PTPRD: variants seen among roughly 807,000 people sequenced by gnomAD.
PTPRD encodes the protein protein tyrosine phosphatase receptor type D, also known as receptor-type tyrosine-protein phosphatase delta.
In PTPRD, 34 loss-of-function variants were observed where a neutral mutation model predicts 214.5. That is an observed-to-expected ratio of 0.16 (90% confidence interval 0.12 to 0.21). The LOEUF is 0.21. PTPRD is among the 10% of genes least tolerant of loss of function. The probability of loss-of-function intolerance (pLI) is 1.00; values close to 1 mark genes in which losing one functional copy is unlikely to be tolerated. For missense variants in PTPRD, 2,545 were observed against 2,398.7 expected, an observed-to-expected ratio of 1.06 and a Z score of -1.27; for synonymous variants, 1,128 against 845.7, an observed-to-expected ratio of 1.33 and a Z score of -5.79.
At chr9:9,793,730 G>T (rs1217455419) in intron 5 of PTPRD, among the ~76,000 whole-genome samples, 2 of 151,928 alleles carry the variant, frequency 1.3e-5, no homozygotes, top group East Asian at 3.9e-4. Context: ...ATGGTAAAAA[G>T]TATCTTATTT....
At chr9:10,449,948 C>G (rs1588442245) in intron 2 of PTPRD, among the ~76,000 whole-genome samples, 1 of 151,620 alleles carries the variant, frequency 6.6e-6, no homozygotes, top group South Asian at 2.1e-4. Context: ...TACCCCCAAC[C>G]CCGTGCTCTC....
intron 11 of PTPRD, among the ~76,000 whole-genome samples, chr9:9,013,096 T>C (rs1324502476): frequency 2.6e-5 from 4 of 152,146 alleles, no homozygotes; most frequent in African/African-American, 9.7e-5. Context: ...GCTTGTTTGT[T>C]TTTTAAGCAC....
chr9:9,822,069 A>C lies in PTPRD; in HGVS notation c.-367-55218T>G, dbSNP rs73398655. 2.1e-3 allele frequency among the ~76,000 whole-genome samples: 317 copies of C among 151,892 alleles called. 3 individuals are homozygous for C. The highest frequency in any genetic ancestry group is 7.4e-3 in the African/African-American group (305 of 41,474). ...AAAGGCATCATGTCCAAAAATCATT[A>C]TAACTGTAAATTTATCACATAAACT... On this transcript the variant is annotated intron_variant, in intron 5 of 45. Transcript: ENST00000381196.
intron 5 of PTPRD, among the ~76,000 whole-genome samples, chr9:9,788,550 T>TC (rs2098943436): frequency 3.6e-5 from 1 of 27,932 alleles, no homozygotes; most frequent in Non-Finnish European, 6.7e-5. Context: ...AAGCTCCGTC[T>TC]CAAAAAAAAA....
chr9:8,937,110 T>G (rs1197332571), intron 11 of PTPRD, among the ~76,000 whole-genome samples: 2 of 152,186 alleles, frequency 1.3e-5, no homozygotes, highest in Non-Finnish European at 2.9e-5. Context: ...CATAATGTAT[T>G]GACTACCTGA....
At chr9:9,289,167 T>A (rs1950389976) in intron 9 of PTPRD, among the ~76,000 whole-genome samples, 1 of 151,830 alleles carries the variant, frequency 6.6e-6, no homozygotes, top group Non-Finnish European at 1.5e-5. Context: ...AATTTTAATT[T>A]CTAAATGGTA....
chr9:9,856,064 C>T (rs924716743), intron 5 of PTPRD, among the ~76,000 whole-genome samples: 4 of 152,114 alleles, frequency 2.6e-5, no homozygotes, highest in Admixed American at 2.6e-4. Flanking sequence ...ATGAAAGTGG[C>T]CCTCAGTGGG....
intron 33 of PTPRD, among the ~76,000 whole-genome samples, chr9:8,460,048 A>G (rs1340319635): frequency 1.3e-5 from 2 of 152,154 alleles, no homozygotes. Flanking sequence ...ACACACTGAA[A>G]TCGAGCAATT....
At chr9:9,280,948 G>C (rs1209567772) in intron 9 of PTPRD, among the ~76,000 whole-genome samples, 2 of 151,170 alleles carry the variant, frequency 1.3e-5, no homozygotes, top group Non-Finnish European at 3.0e-5. Context: ...ACAGAAAAGA[G>C]AGCCAAGAAG....
chr9:9,855,928 A>C (rs1276499122), intron 5 of PTPRD, among the ~76,000 whole-genome samples: 1 of 152,150 alleles, frequency 6.6e-6, no homozygotes, highest in African/African-American at 2.4e-5. Flanking sequence ...CGGTGAGGGT[A>C]AAGGGGCCAG....
chr9:8,924,307 A>G (rs2098849113), intron 11 of PTPRD, among the ~76,000 whole-genome samples: 1 of 152,236 alleles, frequency 6.6e-6, no homozygotes, highest in Non-Finnish European at 1.5e-5. Flanking sequence ...TCAATCAGGT[A>G]TTTATTGAAT....
chr9:10,579,579 A>G (rs2070916074), intron 2 of PTPRD, among the ~76,000 whole-genome samples: 1 of 152,188 alleles, frequency 6.6e-6, no homozygotes, highest in African/African-American at 2.4e-5. Context: ...ATTAACATAT[A>G]AGCGCATGAG....
chr9:9,795,382 T>C (rs2098995360), intron 5 of PTPRD, among the ~76,000 whole-genome samples: 1 of 152,174 alleles, frequency 6.6e-6, no homozygotes, highest in Admixed American at 6.5e-5. Flanking sequence ...GTTATAGGGC[T>C]AGAGATCTGA....
At chr9:8,356,030 T>G (rs748490217) in intron 39 of PTPRD, among the ~76,000 whole-genome samples, 21 of 152,204 alleles carry the variant, frequency 1.4e-4, no homozygotes, top group Non-Finnish European at 2.4e-4. Context: ...TCATAAGGAT[T>G]TTTTGTCCTT....
intron 6 of PTPRD, among the ~76,000 whole-genome samples, chr9:9,766,467 T>C (rs1025888846): frequency 7.9e-5 from 12 of 152,342 alleles, no homozygotes; most frequent in African/African-American, 2.9e-4. Context: ...AATTTACATA[T>C]GTCCTATTTC....
intron 11 of PTPRD, among the ~76,000 whole-genome samples, chr9:8,823,111 G>A (rs748417657): frequency 9.9e-5 from 15 of 152,038 alleles, no homozygotes; most frequent in Non-Finnish European, 2.2e-4. Context: ...GCCTCTTCTT[G>A]AAGCCCTCTT....
intron 11 of PTPRD, among the ~76,000 whole-genome samples, chr9:8,839,599 A>G (rs2097518340): frequency 6.6e-6 from 1 of 152,218 alleles, no homozygotes; most frequent in Non-Finnish European, 1.5e-5. Flanking sequence ...TGCTGGGATT[A>G]CAGGAATGAG....
chr9:8,361,237 G>A (rs2078397575), intron 39 of PTPRD, among the ~76,000 whole-genome samples: 2 of 152,130 alleles, frequency 1.3e-5, no homozygotes, highest in African/African-American at 4.8e-5. Flanking sequence ...CAGATTAAAA[G>A]AAAAATTTTA....
intron 7 of PTPRD, among the ~76,000 whole-genome samples, chr9:9,673,792 A>G (rs2096876548): frequency 6.6e-6 from 1 of 151,696 alleles, no homozygotes; most frequent in African/African-American, 2.4e-5. Flanking sequence ...CAAAAAGATC[A>G]GGAAAGACAG....
Sources: gnomAD v4.1 joint callset for allele counts (sites outside exome capture counted in the v4.1 genomes callset) on GRCh38, gnomAD v4.1.1 for gene constraint, MANE v1.5 for transcripts, NCBI Gene and HGNC (gene_info 2026-07-23, HGNC 2026-07-21) for gene names.